The following PIWIL3 variants were observed in gnomAD, a reference collection of about 807,000 sequenced individuals.
PIWIL3 encodes piwi like RNA-mediated gene silencing 3, also known as piwi-like protein 3.
A neutral mutation model predicts 109.7 loss-of-function variants in PIWIL3; 101 were observed. The ratio of observed to expected loss-of-function variants is 0.92; its 90% CI spans 0.78 to 1.09. The LOEUF is 1.09. PIWIL3 is among the 50% of genes least tolerant of loss of function. The pLI, the probability that PIWIL3 is intolerant of heterozygous loss-of-function variation, is 0.00. For synonymous variants in PIWIL3, 373 were observed against 376.4 expected (o/e 0.99, Z 0.10); for missense variants, 1,031 against 1,072.6 (o/e 0.96, Z 0.54).
chr22:24,754,762 A>T, intron 7 of PIWIL3, 22 bp downstream of exon 7: 1 of 1,558,830 alleles, frequency 6.4e-7, no homozygotes, highest in Admixed American at 1.7e-5. Flanking sequence ...GCAGAGTGTG[A>T]AATTTTCTAC....
intron 12 of PIWIL3, among the ~76,000 whole-genome samples, chr22:24,738,986 T>C (rs1205957774): frequency 6.6e-6 from 1 of 152,122 alleles, no homozygotes; most frequent in Non-Finnish European, 1.5e-5. Flanking sequence ...CAGAAAGAAT[T>C]GGGAATTCTA....
At position 24,751,484 on chromosome 22, in the gene PIWIL3, G is replaced by A. The variant is rs377173500; in HGVS notation, c.992C>T (p.Thr331Ile). 1.9e-6 allele frequency: 3 copies of A among 1,610,504 alleles called. No homozygotes were observed. The African/African-American group carries it at 4.0e-5, about 22-fold the overall frequency. Residue 331 changes from threonine to isoleucine, a missense_variant, in exon 9 of 21, where the codon ACC becomes ATC. Transcript: ENST00000616349. ...SIVLTKYNNK[T>I]YRVDDIDWKQ... ...CCAATCAATATCATCTACTCTGTAG[G>A]TTTTGTTGTTGTATCTGTGGAATAA... is the stretch of plus-strand genomic sequence containing the variant.
chr22:24,754,560 T>A (rs991486419), intron 7 of PIWIL3, among the ~76,000 whole-genome samples: 1 of 152,222 alleles, frequency 6.6e-6, no homozygotes, highest in African/African-American at 2.4e-5. Flanking sequence ...CTTCTTAATG[T>A]GTGTGCAACA....
intron 12 of PIWIL3, among the ~76,000 whole-genome samples, chr22:24,739,620 A>T (rs996799914): frequency 2.0e-5 from 3 of 152,036 alleles, no homozygotes; most frequent in Non-Finnish European, 4.4e-5. Context: ...AAGGACAAAG[A>T]CTTTTCCAGA....
intron 14 of PIWIL3, among the ~76,000 whole-genome samples, chr22:24,729,698 TCTC>T (rs1461495305): frequency 3.9e-5 from 6 of 152,336 alleles, no homozygotes; most frequent in Non-Finnish European, 8.8e-5. Context: ...TTAAGGAAAT[TCTC>T]TTCTTATTCT....
rs1283202092 is a variant in PIWIL3, at chr22:24,748,777, A to G, written c.1449+130T>C. On this transcript the variant is annotated intron_variant, in intron 12 of 20. Coordinates refer to ENST00000616349, the MANE Select transcript of PIWIL3 (RefSeq NM_001255975.1). ...CATTCTTAGTGTTTCTTATTGGCTC[A>G]ATATAGAAAGAATGAGCAGTCTGAA... 2.3e-5 allele frequency: 15 copies of G among 664,262 alleles called. 1 individual carries two copies. The highest frequency in any genetic ancestry group is 2.5e-4 in the Middle Eastern group (1 of 4,008). The allele number at this position is 664,262 out of a possible 1,614,324, so 41.1% of individuals were successfully genotyped here.
At chr22:24,767,056 G>A (rs11090342) in intron 1 of PIWIL3, among the ~76,000 whole-genome samples, 31,586 of 151,770 alleles carry the variant, frequency 0.21, 3,531 homozygotes, top group Admixed American at 0.32. Context: ...CAGGAGGATC[G>A]CTTGAGCCTG....
intron 5 of PIWIL3, 138 bp from the exon 6 acceptor site, chr22:24,756,043 G>T: frequency 1.1e-6 from 1 of 880,850 alleles, no homozygotes; most frequent in Non-Finnish European, 1.7e-6. Context: ...AAAAGTACGT[G>T]CGTGTGGAAA....
At chr22:24,741,559 C>T (rs1341273701) in intron 12 of PIWIL3, among the ~76,000 whole-genome samples, 1 of 152,056 alleles carries the variant, frequency 6.6e-6, no homozygotes, top group Non-Finnish European at 1.5e-5. Context: ...AACAAACCAC[C>T]TCAGCAAAAT....
chr22:24,729,890 T>G (rs1258709190), intron 14 of PIWIL3, among the ~76,000 whole-genome samples: 3 of 152,170 alleles, frequency 2.0e-5, no homozygotes, highest in African/African-American at 7.2e-5. Flanking sequence ...GTTTCATATT[T>G]TATTAATCTC....
At chr22:24,766,408 T>C (rs779754223) in intron 1 of PIWIL3, among the ~76,000 whole-genome samples, 3 of 152,176 alleles carry the variant, frequency 2.0e-5, no homozygotes, top group Non-Finnish European at 4.4e-5. Context: ...AAGCTCTGTC[T>C]GCTGGGTTCA....
At chr22:24,749,620 C>T (rs1924583541) in intron 10 of PIWIL3, 73 bp downstream of exon 10, 15 of 1,611,624 alleles carry the variant, frequency 9.3e-6, no homozygotes, top group Admixed American at 3.3e-5. Context: ...AGACACCCTT[C>T]GAATTCCCTG....
rs71189279 is a variant in PIWIL3, at chr22:24,765,784, CA to C, written c.-22-3264del. 4.3e-3 allele frequency among the ~76,000 whole-genome samples: 597 copies of C among 138,476 alleles called. 6 individuals are homozygous for C. Among genetic ancestry groups the C allele is most frequent in the African/African-American group, 0.014 (509 of 37,444 alleles). 90.8% of individuals were successfully genotyped at this position (138,476 alleles called of 152,430 possible). Reference sequence around the variant, plus strand: ...TTTAGAGGAAAATGAGTATTTGGTCCAAAAAAAAAAAGGAAAAATAATCAAG... The same window carrying C: ...TTTAGAGGAAAATGAGTATTTGGTCCAAAAAAAAAAGGAAAAATAATCAAG... On this transcript the variant is annotated intron_variant, in intron 1 of 20. Transcript: ENST00000616349.
intron 18 of PIWIL3, 63 bp downstream of exon 18, chr22:24,724,824 A>C: frequency 6.5e-7 from 1 of 1,533,390 alleles, no homozygotes; most frequent in South Asian, 1.2e-5. Flanking sequence ...TGCCCACCTT[A>C]ACCTTCCAAA....
intron 9 of PIWIL3, among the ~76,000 whole-genome samples, chr22:24,750,687 C>T (rs1924657349): frequency 1.3e-5 from 2 of 149,946 alleles, no homozygotes; most frequent in Admixed American, 6.6e-5. Flanking sequence ...GGGGTTTCTC[C>T]GTTTTGGTCA....
intron 13 of PIWIL3, 91 bp downstream of exon 13, chr22:24,735,617 A>C: frequency 7.8e-7 from 1 of 1,279,300 alleles, no homozygotes; most frequent in Non-Finnish European, 1.1e-6. Flanking sequence ...GTTTTGATAC[A>C]GTGACCAATT....
At chr22:24,773,278 A>G (rs959471248) in intron 1 of PIWIL3, among the ~76,000 whole-genome samples, 4 of 151,912 alleles carry the variant, frequency 2.6e-5, no homozygotes, top group African/African-American at 9.7e-5. Flanking sequence ...CCCCTTTTCC[A>G]TACTCCTGCC....
chr22:24,739,631 C>A (rs1189129720), intron 12 of PIWIL3, among the ~76,000 whole-genome samples: 3 of 151,958 alleles, frequency 2.0e-5, no homozygotes, highest in Non-Finnish European at 4.4e-5. Flanking sequence ...CTTTTCCAGA[C>A]AAACAAAAGC....
At chr22:24,727,043 A>G (rs1032809446) in intron 16 of PIWIL3, among the ~76,000 whole-genome samples, 1 of 152,238 alleles carries the variant, frequency 6.6e-6, no homozygotes, top group Non-Finnish European at 1.5e-5. Context: ...TTGGAAGTAC[A>G]TCACTTGCAG....
Sources: gnomAD v4.1 joint callset for allele counts (sites outside exome capture counted in the v4.1 genomes callset) on GRCh38, gnomAD v4.1.1 for gene constraint, MANE v1.5 for transcripts, NCBI Gene and HGNC (gene_info 2026-07-23, HGNC 2026-07-21) for gene names.